The following ZNF804A variants were observed in gnomAD, a reference collection of about 807,000 sequenced individuals.
The protein encoded by ZNF804A is zinc finger protein 804A.
Under a neutral mutation model 16.5 loss-of-function variants are expected in ZNF804A, and 2 were observed. The ratio of observed to expected loss-of-function variants is 0.12; its 90% CI spans 0.05 to 0.38. The LOEUF is 0.38. ZNF804A is among the 10% of genes least tolerant of loss of function. ZNF804A has a pLI of 0.99. For missense variants in ZNF804A, 1,473 were observed against 1,390.7 expected, an observed-to-expected ratio of 1.06 and a Z score of -0.94; for synonymous variants, 534 against 489.6, an observed-to-expected ratio of 1.09 and a Z score of -1.20.
chr2:184,618,494 G>A (rs1005299129), intron 1 of ZNF804A, among the ~76,000 whole-genome samples: 8 of 152,022 alleles, frequency 5.3e-5, no homozygotes, highest in African/African-American at 1.9e-4. Context: ...GTAAAATTCA[G>A]GTGTTAAAAT....
At chr2:184,728,117 A>ATTAG (rs1693446312) in intron 1 of ZNF804A, among the ~76,000 whole-genome samples, 1 of 73,696 alleles carries the variant, frequency 1.4e-5, no homozygotes, top group South Asian at 2.8e-4. Context: ...ATGAAAATCT[A>ATTAG]TTAAAAAATG....
rs754924383 is a variant in ZNF804A, at chr2:184,937,307, A to G, written c.1911A>G (p.Pro637=). The change falls in exon 4 of 4, where the codon CCA becomes CCG. Residue 637 remains proline (P), a synonymous_variant. Coordinates refer to ENST00000302277, the MANE Select transcript of ZNF804A (RefSeq NM_194250.2). ...ATGCTGGGAAATATCTATTGGAACC[A>G]ATTTCAGAAAAGCAGTATTTAGCTG... is the stretch of plus-strand genomic sequence containing the variant. The part of the protein sequence containing the change: ...TENAGKYLLE[P]ISEKQYLAAE... 1.8e-5 allele frequency: 29 copies of G among 1,614,024 alleles called. No individual in the cohort carries two copies. The highest frequency in any genetic ancestry group is 2.5e-5 in the Non-Finnish European group (29 of 1,179,950).
At chr2:184,920,592 C>A (rs1039142400) in intron 2 of ZNF804A, among the ~76,000 whole-genome samples, 3 of 152,022 alleles carry the variant, frequency 2.0e-5, no homozygotes, top group Non-Finnish European at 2.9e-5. Context: ...TGACAAAACA[C>A]GAAAAATTGG....
intron 1 of ZNF804A, among the ~76,000 whole-genome samples, chr2:184,607,833 C>T (rs1331131517): frequency 6.6e-6 from 1 of 151,618 alleles, no homozygotes; most frequent in African/African-American, 2.4e-5. Context: ...CAATGTCCAC[C>T]AGCCAGAAAT....
intron 1 of ZNF804A, among the ~76,000 whole-genome samples, chr2:184,615,016 C>T (rs1691297181): frequency 6.6e-6 from 1 of 152,114 alleles, no homozygotes; most frequent in African/African-American, 2.4e-5. Context: ...TACCATTTGA[C>T]CCAGCAGTCC....
intron 1 of ZNF804A, among the ~76,000 whole-genome samples, chr2:184,775,084 A>C (rs1470493555): frequency 6.6e-6 from 1 of 151,690 alleles, no homozygotes; most frequent in African/African-American, 2.4e-5. Flanking sequence ...ATTTCTTAAT[A>C]TTTCTTTTTG....
intron 1 of ZNF804A, among the ~76,000 whole-genome samples, chr2:184,841,791 AT>A (rs1318323357): frequency 3.3e-5 from 5 of 151,978 alleles, no homozygotes; most frequent in African/African-American, 7.2e-5. Flanking sequence ...TGCTGTGTCA[AT>A]TTTTTTTAGG....
Position 184,937,056 on chromosome 2 carries a change from A to G in ZNF804A, c.1660A>G (p.Lys554Glu). The change falls in exon 4 of 4, where the codon AAG becomes GAG. Residue 554 changes from lysine (K) to glutamate (E), a missense_variant. Lys to Glu is a moderately conservative substitution (Grantham distance 56). Coordinates refer to ENST00000302277, the MANE Select transcript of ZNF804A (RefSeq NM_194250.2). ...TCAGAGGTATAAAAACATTTCCTGTAAGATCAGAGAAACAGAAAAGTATAA... is the reference window on the plus strand; with the variant it reads ...TCAGAGGTATAAAAACATTTCCTGTGAGATCAGAGAAACAGAAAAGTATAA... ...TGQRYKNISC[K>E]IRETEKYNFT... 1 of 1,604,282 alleles carries G rather than the reference A, an allele frequency of 6.2e-7. No homozygotes were observed. The highest frequency in any genetic ancestry group is 8.5e-7 in the Non-Finnish European group (1 of 1,177,340).
chr2:184,665,331 T>C (rs926811802), intron 1 of ZNF804A, among the ~76,000 whole-genome samples: 2 of 152,200 alleles, frequency 1.3e-5, no homozygotes, highest in African/African-American at 4.8e-5. Flanking sequence ...CAGGACACCA[T>C]CCCTTATGGA....
chr2:184,932,595 G>C (rs943508240), intron 2 of ZNF804A, among the ~76,000 whole-genome samples: 3 of 152,122 alleles, frequency 2.0e-5, no homozygotes, highest in Non-Finnish European at 4.4e-5. Flanking sequence ...TTCAAGATGA[G>C]ATTTGGGTGG....
intron 1 of ZNF804A, among the ~76,000 whole-genome samples, chr2:184,865,987 A>G (rs1038658598): frequency 6.6e-6 from 1 of 152,180 alleles, no homozygotes; most frequent in South Asian, 2.1e-4. Context: ...CACATTTTAC[A>G]TGTTCAGAAT....
At chr2:184,741,372 T>A (rs1693706491) in intron 1 of ZNF804A, among the ~76,000 whole-genome samples, 1 of 152,132 alleles carries the variant, frequency 6.6e-6, no homozygotes, top group African/African-American at 2.4e-5. Context: ...CACAAAATAT[T>A]ACCAGTCAGG....
At chr2:184,775,072 G>A (rs1694266510) in intron 1 of ZNF804A, among the ~76,000 whole-genome samples, 1 of 151,668 alleles carries the variant, frequency 6.6e-6, no homozygotes, top group African/African-American at 2.4e-5. Flanking sequence ...ATCATGATCT[G>A]CATTTCTTAA....
intron 2 of ZNF804A, among the ~76,000 whole-genome samples, chr2:184,906,554 G>A (rs751473432): frequency 1.3e-5 from 2 of 152,048 alleles, no homozygotes; most frequent in African/African-American, 2.4e-5. Context: ...ATCTGCCTCA[G>A]CCTCTCAGAG....
chr2:184,862,660 A>G (rs952713492), intron 1 of ZNF804A, among the ~76,000 whole-genome samples: 14 of 129,836 alleles, frequency 1.1e-4, no homozygotes, highest in Non-Finnish European at 1.7e-4. Context: ...TTCTATAGTT[A>G]TTAACTTTTT....
chr2:184,815,193 A>G (rs146413912), intron 1 of ZNF804A, among the ~76,000 whole-genome samples: 16 of 152,084 alleles, frequency 1.1e-4, no homozygotes, highest in African/African-American at 3.9e-4. Flanking sequence ...CACATTATCC[A>G]CAGATTAAGT....
intron 1 of ZNF804A, among the ~76,000 whole-genome samples, chr2:184,864,133 A>G (rs1158938209): frequency 8.5e-5 from 13 of 152,166 alleles, no homozygotes; most frequent in Admixed American, 8.5e-4. Context: ...TGCAGGCTGT[A>G]CAAGAAGTAT....
rs34114485 is a variant in ZNF804A, at chr2:184,864,875, A to ATTTTTTTTTTTTTTTT, written c.112-1486_112-1471dup. On this transcript the variant is annotated intron_variant, in intron 1 of 3. Transcript: ENST00000302277. ...TAAGAGACTTGAATATATAGTTAGG[A>ATTTTTTTTTTTTTTTT]TTTTTTTTTTTTTTTTTTTTTTTGA... Among the ~76,000 whole-genome samples, 75 of 105,464 alleles carry ATTTTTTTTTTTTTTTT rather than the reference A, an allele frequency of 7.1e-4. 4 individuals carry two copies. Among genetic ancestry groups the ATTTTTTTTTTTTTTTT allele is most frequent in the African/African-American group, 3.2e-3 (70 of 22,122 alleles). 69.2% of individuals were successfully genotyped at this position (105,464 alleles called of 152,430 possible). A position where few individuals can be genotyped will look rare whatever the true frequency, so the allele number is the denominator to read the frequency against.
At chr2:184,726,698 T>C (rs1693417674) in intron 1 of ZNF804A, among the ~76,000 whole-genome samples, 1 of 151,628 alleles carries the variant, frequency 6.6e-6, no homozygotes, top group South Asian at 2.1e-4. Context: ...TCCATCCTTC[T>C]GCAACATGAC....
Sources: allele counts gnomAD v4.1 joint callset (sites outside exome capture counted in the v4.1 genomes callset), GRCh38; gene constraint gnomAD v4.1.1; transcripts MANE v1.5; gene names NCBI Gene and HGNC (gene_info 2026-07-23, HGNC 2026-07-21).